The following DUSP19 variants were observed in gnomAD, a reference collection of about 807,000 sequenced individuals.
DUSP19 encodes dual specificity protein phosphatase 19.
Under a neutral mutation model 16.6 loss-of-function variants are expected in DUSP19, and 14 were observed. That is an observed-to-expected ratio of 0.84 (90% CI 0.56 to 1.32). The LOEUF is 1.32. Among genes scored for constraint, DUSP19 ranks in the 40% most tolerant of loss-of-function variants. The probability of loss-of-function intolerance (pLI) is 0.00; values close to 1 mark genes in which losing one functional copy is unlikely to be tolerated. For missense variants in DUSP19, 258 were observed against 255.9 expected (o/e 1.01, Z -0.06); for synonymous variants, 81 against 90.5 (o/e 0.90, Z 0.59).
In DUSP19 at chr2:183,087,074, A is replaced by C. The variant is rs145580844; in HGVS notation, c.308A>C (p.Glu103Ala). Residue 103 changes from glutamate (E) to alanine (A), a missense_variant, in exon 3 of 4, where the codon GAA becomes GCA. Physicochemically the swap from Glu to Ala is moderately radical, Grantham distance 107 (BLOSUM62 -1). Coordinates refer to ENST00000354221, the MANE Select transcript of DUSP19 (RefSeq NM_080876.4). ...ATTCTTAATGTTGCATATGGAGTTG[A>C]AAATGCTTTCCTCAGTGACTTTACA... is the stretch of plus-strand genomic sequence containing the variant. ...THILNVAYGVENAFLSDFTYK... is the reference protein window; with the variant it reads ...THILNVAYGVANAFLSDFTYK... 7.4e-5 allele frequency: 120 copies of C among 1,612,488 alleles called. No homozygotes were observed. The highest frequency in any genetic ancestry group is 9.5e-5 in the Non-Finnish European group (112 of 1,179,742).
rs1699797893 is a variant in DUSP19 at position 183,096,100 on chromosome 2, A to G, written c.*442A>G. ...CTTTTTAAAGAATCTTTTTAAGATTAAAAATGAATACCTTAAATCTCCCAA... is the reference window on the plus strand; with the variant it reads ...CTTTTTAAAGAATCTTTTTAAGATTGAAAATGAATACCTTAAATCTCCCAA... On this transcript the variant is annotated 3_prime_UTR_variant, in exon 4 of 4. Transcript: ENST00000354221. The G allele has an allele frequency of 6.6e-6, 1 of 152,640 alleles. No individual in the cohort carries two copies. Among genetic ancestry groups the G allele is most frequent in the South Asian group, 2.1e-4 (1 of 4,846 alleles). 9.5% of individuals were successfully genotyped at this position (152,640 alleles called of 1,614,324 possible).
intron 2 of DUSP19, among the ~76,000 whole-genome samples, chr2:183,086,450 T>C (rs1432910247): frequency 6.6e-6 from 1 of 151,900 alleles, no homozygotes; most frequent in Admixed American, 6.6e-5. Flanking sequence ...GAGTTTCTAG[T>C]GCAGTGAAAG....
At chr2:183,080,704 T>G (rs1422260482) in intron 1 of DUSP19, among the ~76,000 whole-genome samples, 1 of 152,278 alleles carries the variant, frequency 6.6e-6, no homozygotes, top group South Asian at 2.1e-4. Flanking sequence ...ATCAAGGTAG[T>G]GTTCTGAGAT....
At chr2:183,087,260 C>A (rs2105500992) in intron 3 of DUSP19, 68 bp downstream of exon 3, 1 of 1,383,816 alleles carries the variant, frequency 7.2e-7, no homozygotes, top group Non-Finnish European at 9.7e-7. Context: ...ATTACCCAAT[C>A]TTTATTATTT....
Position 183,078,943 on chromosome 2 carries a change from C to A in DUSP19, c.10C>A (p.Leu4Ile). ...AGCCACTGCTCATGTAATGTACTCC[C>A]TTAACCAGGAAATTAAAGCATTCTC... Reference protein sequence around the residue: MYSLNQEIKAFSRN... With the variant: MYSINQEIKAFSRN... Residue 4 changes from leucine to isoleucine, a missense_variant, in exon 1 of 4, where the codon CTT becomes ATT. Coordinates refer to ENST00000354221, the MANE Select transcript of DUSP19 (RefSeq NM_080876.4). 6.2e-7 allele frequency: 1 copy of A among 1,614,000 alleles called. No homozygotes were observed. The highest frequency in any genetic ancestry group is 8.5e-7 in the Non-Finnish European group (1 of 1,179,984).
intron 2 of DUSP19, among the ~76,000 whole-genome samples, chr2:183,086,283 CT>C (rs1336639656): frequency 6.6e-6 from 1 of 152,038 alleles, no homozygotes; most frequent in African/African-American, 2.4e-5. Context: ...GGAAATAATT[CT>C]TGAAAGGGAA....
rs533126304 is a variant in DUSP19 at position 183,078,778 on chromosome 2, C to T, written c.-156C>T. The stretch of plus-strand genomic sequence containing the variant: ...CATCGCTGGGATAAACGGAGCTGGA[C>T]GACTCAGTCTCTTGGTCTGTGGCTG... On this transcript the variant is annotated 5_prime_UTR_variant, in exon 1 of 4. It adds an upstream start codon to the 5' untranslated region. Transcript: ENST00000354221. 7.9e-5 allele frequency: 51 copies of T among 644,502 alleles called. No homozygotes were observed. The highest frequency in any genetic ancestry group is 1.9e-4 in the East Asian group (7 of 36,554). 39.9% of individuals were successfully genotyped at this position (644,502 alleles called of 1,614,324 possible).
chr2:183,095,757 T>C lies in DUSP19; in HGVS notation c.*99T>C. On this transcript the variant is annotated 3_prime_UTR_variant, in exon 4 of 4. Transcript: ENST00000354221. ...AGAGTAGACTAGCAAAACTCCCTTTTTTCTCTTGCCTTTTTTATGCATAAA... is the reference window on the plus strand; with the variant it reads ...AGAGTAGACTAGCAAAACTCCCTTTCTTCTCTTGCCTTTTTTATGCATAAA... The C allele has an allele frequency of 2.3e-6, 2 of 884,922 alleles. No individual in the cohort carries two copies. The highest frequency in any genetic ancestry group is 3.0e-5 in the Admixed American group (1 of 33,254). 54.8% of individuals were successfully genotyped at this position (884,922 alleles called of 1,614,324 possible).
rs71008261 is a variant in DUSP19, at chr2:183,085,847, G to GTTTTTTTTTTT, written c.274-1167_274-1157dup. On this transcript the variant is annotated intron_variant, in intron 2 of 3. Coordinates refer to ENST00000354221, the MANE Select transcript of DUSP19 (RefSeq NM_080876.4). ...GTACAGATGTGGACAAGGTTGTTAG[G>GTTTTTTTTTTT]TTTTTTTTTTTTTTTTTTTTTTTTT... Among the ~76,000 whole-genome samples the GTTTTTTTTTTT allele has an allele frequency of 3.9e-5, 2 of 50,922 alleles. 1 individual carries two copies. The highest frequency in any genetic ancestry group is 1.3e-4 in the African/African-American group (2 of 15,914). 33.4% of individuals were successfully genotyped at this position (50,922 alleles called of 152,430 possible).
At chr2:183,090,765 A>T (rs1699721897) in intron 3 of DUSP19, among the ~76,000 whole-genome samples, 1 of 152,112 alleles carries the variant, frequency 6.6e-6, no homozygotes, top group Non-Finnish European at 1.5e-5. Context: ...TCTTGAAAAT[A>T]CCTTCTCCCC....
Position 183,098,295 on chromosome 2 carries a change from T to G in DUSP19, c.*2637T>G, listed in dbSNP as rs560439470. On this transcript the variant is annotated 3_prime_UTR_variant, in exon 4 of 4. Transcript: ENST00000354221. Reference sequence around the variant, plus strand: ...TTATCTTTTGTATCTTCTACAGAAGTGCTTTGAGCATCAAATTTGTTTTAA... The same window carrying G: ...TTATCTTTTGTATCTTCTACAGAAGGGCTTTGAGCATCAAATTTGTTTTAA... 6.6e-6 allele frequency: 1 copy of G among 152,300 alleles called. No homozygotes were observed. Among genetic ancestry groups the G allele is most frequent in the East Asian group, 1.9e-4 (1 of 5,188 alleles). 9.4% of individuals were successfully genotyped at this position (152,300 alleles called of 1,614,324 possible). A position where few individuals can be genotyped will look rare whatever the true frequency, so the allele number is the denominator to read the frequency against.
At chr2:183,082,270 A>G (rs1054406770) in intron 1 of DUSP19, among the ~76,000 whole-genome samples, 1 of 152,198 alleles carries the variant, frequency 6.6e-6, no homozygotes, top group Non-Finnish European at 1.5e-5. Context: ...AGAAGAAAAA[A>G]AAATCACCTG....
chr2:183,087,382 A>G (rs76119480), intron 3 of DUSP19, among the ~76,000 whole-genome samples, 190 bp downstream of exon 3: 3 of 152,244 alleles, frequency 2.0e-5, no homozygotes, highest in African/African-American at 4.8e-5. Context: ...TTTAGTTTCA[A>G]CATTAATTCA....
chr2:183,091,415 A>G (rs1699730850), intron 3 of DUSP19, among the ~76,000 whole-genome samples: 1 of 152,188 alleles, frequency 6.6e-6, no homozygotes, highest in Admixed American at 6.5e-5. Context: ...GTGTCGGAGC[A>G]GGTCCAAGCA....
intron 3 of DUSP19, among the ~76,000 whole-genome samples, chr2:183,092,904 A>G (rs1000831352): frequency 2.0e-5 from 3 of 151,810 alleles, no homozygotes; most frequent in Non-Finnish European, 4.4e-5. Flanking sequence ...GGGTTTCACC[A>G]TGTTGGCCAG....
chr2:183,083,275 C>T, intron 1 of DUSP19: 1 of 435,960 alleles, frequency 2.3e-6, no homozygotes, highest in Non-Finnish European at 4.1e-6. Flanking sequence ...AACATCCTTA[C>T]AGCTAATCTT....
intron 3 of DUSP19, among the ~76,000 whole-genome samples, chr2:183,092,308 G>A (rs978882936): frequency 2.0e-5 from 3 of 152,052 alleles, no homozygotes; most frequent in African/African-American, 7.2e-5. Context: ...GTGCCATGGG[G>A]ATTTGCTGCA....
At chr2:183,091,913 C>T (rs1454864409) in intron 3 of DUSP19, among the ~76,000 whole-genome samples, 1 of 152,164 alleles carries the variant, frequency 6.6e-6, no homozygotes, top group African/African-American at 2.4e-5. Context: ...TGTTTCAAAG[C>T]AGTCTACCCA....
At position 183,098,165 on chromosome 2, in the gene DUSP19, G is replaced by C. The variant is rs1699828549; in HGVS notation, c.*2507G>C. The C allele has an allele frequency of 6.6e-6, 1 of 152,218 alleles. No homozygotes were observed. Among genetic ancestry groups the C allele is most frequent in the African/African-American group, 2.4e-5 (1 of 41,426 alleles). The allele number at this position is 152,218 out of a possible 1,614,324, so 9.4% of individuals were successfully genotyped here. A position where few individuals can be genotyped will look rare whatever the true frequency, so the allele number is the denominator to read the frequency against. On this transcript the variant is annotated 3_prime_UTR_variant, in exon 4 of 4. Transcript: ENST00000354221. ...ACGCCTTGGTCTCCCAAAGTGCTGG[G>C]ATTACGGTGTTAGCCACTACACCTG...
Sources: allele counts gnomAD v4.1 joint callset (sites outside exome capture counted in the v4.1 genomes callset), GRCh38; gene constraint gnomAD v4.1.1; transcripts MANE v1.5; gene names NCBI Gene and HGNC (gene_info 2026-07-23, HGNC 2026-07-21).